NDFIP2: variants seen among roughly 807,000 people sequenced by gnomAD.
NDFIP2 encodes Nedd4 family interacting protein 2.
In NDFIP2, 19 loss-of-function variants were observed where a neutral mutation model predicts 36.0. The ratio of observed to expected loss-of-function variants is 0.53; its 90% CI spans 0.37 to 0.77. NDFIP2 has a LOEUF of 0.77. Among genes scored for constraint, NDFIP2 ranks in the 30% least tolerant of loss-of-function variants. NDFIP2 has a pLI of 0.00. For missense variants in NDFIP2, 446 were observed against 435.8 expected (o/e 1.02, Z -0.21); for synonymous variants, 181 against 167.7 (o/e 1.08, Z -0.61).
intron 5 of NDFIP2, among the ~76,000 whole-genome samples, chr13:79,545,084 C>T (rs1875612383): frequency 6.6e-6 from 1 of 152,024 alleles, no homozygotes; most frequent in Non-Finnish European, 1.5e-5. Context: ...ATTAAAAAAA[C>T]CTCAAAGTTG....
intron 2 of NDFIP2, among the ~76,000 whole-genome samples, chr13:79,531,922 A>G (rs986922220): frequency 3.3e-5 from 5 of 152,230 alleles, no homozygotes; most frequent in Non-Finnish European, 2.9e-5. Flanking sequence ...TTGGAGCAAG[A>G]GGTCTGGCTT....
At chr13:79,524,036 T>A (rs1874693692) in intron 2 of NDFIP2, among the ~76,000 whole-genome samples, 2 of 152,260 alleles carry the variant, frequency 1.3e-5, no homozygotes, top group Non-Finnish European at 2.9e-5. Context: ...TCATATTCTA[T>A]AATTTTGACA....
At chr13:79,505,878 G>T (rs1424685287) in intron 1 of NDFIP2, among the ~76,000 whole-genome samples, 1 of 151,948 alleles carries the variant, frequency 6.6e-6, no homozygotes, top group African/African-American at 2.4e-5. Flanking sequence ...ATACATGCTG[G>T]TATTTACTCT....
intron 1 of NDFIP2, among the ~76,000 whole-genome samples, chr13:79,513,023 A>C (rs1874137899): frequency 6.6e-6 from 1 of 152,166 alleles, no homozygotes; most frequent in African/African-American, 2.4e-5. Context: ...AGCTTGGTTA[A>C]TTTACATGAA....
chr13:79,556,023 G>A lies in NDFIP2; in HGVS notation c.*3510G>A, dbSNP rs1158964425. On this transcript the variant is annotated 3_prime_UTR_variant, in exon 8 of 8. Transcript: ENST00000218652. Reference sequence around the variant, plus strand: ...TAACTTCTCAGTTATTTGTATGTCAGGAGACAGATTGTGGTTTAATTTTAA... The same window carrying A: ...TAACTTCTCAGTTATTTGTATGTCAAGAGACAGATTGTGGTTTAATTTTAA... 6.6e-6 allele frequency: 1 copy of A among 152,138 alleles called. No individual in the cohort carries two copies. Among genetic ancestry groups the A allele is most frequent in the African/African-American group, 2.4e-5 (1 of 41,448 alleles). The allele number at this position is 152,138 out of a possible 1,614,324, so 9.4% of individuals were successfully genotyped here. A position where few individuals can be genotyped will look rare whatever the true frequency, so the allele number is the denominator to read the frequency against.
intron 1 of NDFIP2, among the ~76,000 whole-genome samples, chr13:79,505,382 C>T (rs774089959): frequency 2.6e-5 from 4 of 151,852 alleles, no homozygotes; most frequent in South Asian, 2.1e-4. Context: ...GTAATCCCAG[C>T]GCCTTGGGAG....
chr13:79,551,393 CT>C (rs1371403166), intron 7 of NDFIP2, among the ~76,000 whole-genome samples: 2 of 151,294 alleles, frequency 1.3e-5, no homozygotes, highest in Non-Finnish European at 3.0e-5. Flanking sequence ...TAAAACTTCT[CT>C]TTAAAGATTA....
At chr13:79,503,218 C>CAAATAATATTTTATCA (rs1399970577) in intron 1 of NDFIP2, among the ~76,000 whole-genome samples, 12 of 152,090 alleles carry the variant, frequency 7.9e-5, no homozygotes, top group African/African-American at 2.9e-4. Context: ...GGAACACCTG[C>CAAATAATATTTTATCA]CATGGTGTCA....
intron 4 of NDFIP2, among the ~76,000 whole-genome samples, chr13:79,543,306 A>G (rs531395167): frequency 1.1e-4 from 16 of 152,370 alleles, no homozygotes; most frequent in Admixed American, 6.5e-4. Flanking sequence ...ACAACCATTA[A>G]TGATAAGCTT....
chr13:79,509,005 T>C lies in NDFIP2; in HGVS notation c.322-11805T>C, dbSNP rs114150872. Among the ~76,000 whole-genome samples the C allele has an allele frequency of 7.4e-3, 1,125 of 152,340 alleles. 14 individuals are homozygous for C. The highest frequency in any genetic ancestry group is 0.025 in the African/African-American group (1,059 of 41,564). ...TCTGTGTGCTGTTGTTTTATGTGTT[T>C]TGTGTAATAAAATTATTCTAGAGTT... is the stretch of plus-strand genomic sequence containing the variant. On this transcript the variant is annotated intron_variant, in intron 1 of 7. Coordinates refer to ENST00000218652, the MANE Select transcript of NDFIP2 (RefSeq NM_019080.3).
At chr13:79,492,524 C>T (rs932652229) in intron 1 of NDFIP2, among the ~76,000 whole-genome samples, 2 of 152,030 alleles carry the variant, frequency 1.3e-5, no homozygotes, top group African/African-American at 4.8e-5. Context: ...CCCTCAGCCT[C>T]CCAAGTAGTT....
intron 3 of NDFIP2, among the ~76,000 whole-genome samples, chr13:79,535,843 A>G (rs1317333621): frequency 6.6e-6 from 1 of 152,216 alleles, no homozygotes; most frequent in African/African-American, 2.4e-5. Flanking sequence ...CCACTCCACA[A>G]TGTATACACA....
intron 1 of NDFIP2, among the ~76,000 whole-genome samples, chr13:79,486,972 A>T (rs971050959): frequency 6.6e-6 from 1 of 152,096 alleles, no homozygotes; most frequent in Non-Finnish European, 1.5e-5. Flanking sequence ...TAGCACAGAC[A>T]CTCATCCATC....
At chr13:79,541,791 T>G (rs1875466619) in intron 4 of NDFIP2, among the ~76,000 whole-genome samples, 1 of 152,188 alleles carries the variant, frequency 6.6e-6, no homozygotes, top group African/African-American at 2.4e-5. Flanking sequence ...CAAGTAAAAT[T>G]ACAGTGAATA....
chr13:79,521,155 G>A (rs538602285), intron 2 of NDFIP2, among the ~76,000 whole-genome samples, 180 bp downstream of exon 2: 3 of 152,088 alleles, frequency 2.0e-5, no homozygotes, highest in South Asian at 2.1e-4. Context: ...ATATATGTGT[G>A]TATGTATATA....
chr13:79,495,221 A>G (rs1008748436), intron 1 of NDFIP2, among the ~76,000 whole-genome samples: 1 of 151,938 alleles, frequency 6.6e-6, no homozygotes, highest in East Asian at 1.9e-4. Context: ...ATAGTGTTCT[A>G]AAAATGTCAG....
intron 6 of NDFIP2, among the ~76,000 whole-genome samples, chr13:79,550,713 A>T (rs1875875512): frequency 6.6e-6 from 1 of 151,540 alleles, no homozygotes; most frequent in Admixed American, 6.6e-5. Flanking sequence ...GAATCAGTTT[A>T]AGTGCGTCAG....
chr13:79,509,250 A>G (rs1201309423), intron 1 of NDFIP2, among the ~76,000 whole-genome samples: 1 of 152,082 alleles, frequency 6.6e-6, no homozygotes, highest in Non-Finnish European at 1.5e-5. Flanking sequence ...TAAGATGTAC[A>G]TTTATTTGGT....
chr13:79,498,897 G>T (rs561274296), intron 1 of NDFIP2, among the ~76,000 whole-genome samples: 3 of 151,910 alleles, frequency 2.0e-5, no homozygotes, highest in East Asian at 1.9e-4. Context: ...AAAATTGAAG[G>T]CTAACTCATT....
Sources: allele counts gnomAD v4.1 joint callset (sites outside exome capture counted in the v4.1 genomes callset), GRCh38; gene constraint gnomAD v4.1.1; transcripts MANE v1.5; gene names NCBI Gene and HGNC (gene_info 2026-07-23, HGNC 2026-07-21).